Variants in KLHL5 observed in about 807,000 individuals in gnomAD.
KLHL5 encodes kelch-like protein 5.
KLHL5 carries 48 observed loss-of-function variants against 77.7 expected under a neutral mutation model. That is an observed-to-expected ratio of 0.62 (90% CI 0.49 to 0.79). The LOEUF (loss-of-function observed/expected upper bound fraction) is 0.79. Among genes scored for constraint, KLHL5 ranks in the 30% least tolerant of loss-of-function variants. The pLI, the probability that KLHL5 is intolerant of heterozygous loss-of-function variation, is 0.00. For synonymous variants in KLHL5, 260 were observed against 297.0 expected, an observed-to-expected ratio of 0.88 and a Z score of 1.28; for missense variants, 723 against 859.7, an observed-to-expected ratio of 0.84 and a Z score of 1.99.
chr4:39,074,431 C>T (rs1000451842), intron 1 of KLHL5, among the ~76,000 whole-genome samples: 3 of 152,128 alleles, frequency 2.0e-5, no homozygotes, highest in Non-Finnish European at 2.9e-5. Context: ...CAATCCTCTC[C>T]CTTCAACCCG....
chr4:39,073,233 C>G (rs1260744623), intron 1 of KLHL5, among the ~76,000 whole-genome samples: 2 of 152,170 alleles, frequency 1.3e-5, no homozygotes, highest in Non-Finnish European at 1.5e-5. Flanking sequence ...ACCAAAATAC[C>G]CTGAAAGTTC....
At chr4:39,086,428 C>T in intron 4 of KLHL5, 87 bp from the exon 5 acceptor site, 1 of 954,464 alleles carries the variant, frequency 1.0e-6, no homozygotes, top group Non-Finnish European at 1.7e-6. Context: ...GTGTTGGTAG[C>T]TAATATAAAA....
chr4:39,120,837 T>C lies in KLHL5; in HGVS notation c.2074-173T>C, dbSNP rs183471146. 2.8e-4 allele frequency among the ~76,000 whole-genome samples: 43 copies of C among 152,350 alleles called. No individual in the cohort carries two copies. The East Asian group carries it at 6.4e-3, about 23-fold the overall frequency. ...CAACTTAGTCTATGAAACTTTGCCATGGAAGGTGGCTCTTGGGAAGGGGAC... is the reference window on the plus strand; with the variant it reads ...CAACTTAGTCTATGAAACTTTGCCACGGAAGGTGGCTCTTGGGAAGGGGAC... On this transcript the variant is annotated intron_variant, in intron 10 of 10. Coordinates refer to ENST00000504108, the MANE Select transcript of KLHL5 (RefSeq NM_015990.5).
chr4:39,130,943 A>G (rs1425537315), downstream of KLHL5, among the ~76,000 whole-genome samples: 1 of 151,810 alleles, frequency 6.6e-6, no homozygotes, highest in African/African-American at 2.4e-5. Flanking sequence ...CATAGGCTCA[A>G]GCAATCCTCC....
intron 1 of KLHL5, among the ~76,000 whole-genome samples, chr4:39,064,207 T>A (rs543977522): frequency 1.3e-5 from 2 of 152,272 alleles, no homozygotes; most frequent in South Asian, 4.1e-4. Flanking sequence ...ACTCTAGTCA[T>A]CTGTCATCTT....
In KLHL5 at chr4:39,110,884, A is replaced by C. The variant is rs940718564; in HGVS notation, c.1689-2136A>C. ...GACATAATATTTCTCTTTTTATTGT[A>C]ATAGACACTATCGTGGTGAAGAGAG... On this transcript the variant is annotated intron_variant, in intron 8 of 10. Transcript: ENST00000504108. Among the ~76,000 whole-genome samples the C allele has an allele frequency of 6.6e-5, 10 of 152,334 alleles. No homozygotes were observed. The South Asian group carries it at 1.2e-3, about 19-fold the overall frequency.
At chr4:39,103,150 A>G (rs2109519418) in intron 6 of KLHL5, 137 bp from the exon 7 acceptor site, 1 of 740,134 alleles carries the variant, frequency 1.4e-6, no homozygotes, top group Non-Finnish European at 2.2e-6. Context: ...AGGCTAGATC[A>G]TGCAGGACCT....
chr4:39,125,416 A>G lies in KLHL5; in HGVS notation c.*4350A>G, dbSNP rs1445501661. 6.6e-6 allele frequency among the ~76,000 whole-genome samples: 1 copy of G among 152,214 alleles called. No homozygotes were observed. The highest frequency in any genetic ancestry group is 1.5e-5 in the Non-Finnish European group (1 of 68,030). The stretch of plus-strand genomic sequence containing the variant: ...AAATATTCATTGCAGCACTAGTCAC[A>G]GTAGCCAAAAAAGAGGAAACAACCC... On this transcript the variant is annotated 3_prime_UTR_variant, in exon 11 of 11. Transcript: ENST00000504108.
In KLHL5 at chr4:39,108,272, A is replaced by G. The variant is rs549140128; in HGVS notation, c.1688+541A>G. On this transcript the variant is annotated intron_variant, in intron 8 of 10. Coordinates refer to ENST00000504108, the MANE Select transcript of KLHL5 (RefSeq NM_015990.5). ...ACAAATATAGGTAGAGCCATCACTA[A>G]TAGCTCTCAGTTACTCAGAGAGTAA... Among the ~76,000 whole-genome samples the G allele has an allele frequency of 2.6e-5, 4 of 152,182 alleles. No homozygotes were observed. In the East Asian group the frequency reaches 7.7e-4, roughly 29 times the overall value.
chr4:39,093,463 G>T, intron 5 of KLHL5: 1 of 455,552 alleles, frequency 2.2e-6, no homozygotes, highest in Non-Finnish European at 4.4e-6. Flanking sequence ...ATTGAATTGT[G>T]TACTTTGAAT....
chr4:39,083,579 A>G (rs1719805703), intron 4 of KLHL5, among the ~76,000 whole-genome samples: 1 of 152,210 alleles, frequency 6.6e-6, no homozygotes, highest in Non-Finnish European at 1.5e-5. Context: ...AATTAAGTCC[A>G]TTGAAATGTT....
downstream of KLHL5, among the ~76,000 whole-genome samples, chr4:39,127,412 G>C (rs1723598201): frequency 6.6e-6 from 1 of 152,084 alleles, no homozygotes. Flanking sequence ...AAACAAAAAG[G>C]ACGTAGAGTA....
At chr4:39,052,602 G>A (rs900763990) in intron 1 of KLHL5, among the ~76,000 whole-genome samples, 1 of 152,180 alleles carries the variant, frequency 6.6e-6, no homozygotes, top group Non-Finnish European at 1.5e-5. Flanking sequence ...GAGTGATGTA[G>A]TCAAGAATTG....
downstream of KLHL5, among the ~76,000 whole-genome samples, chr4:39,129,174 A>G (rs1431569174): frequency 7.1e-6 from 1 of 141,752 alleles, no homozygotes; most frequent in East Asian, 2.0e-4. This position sits in a 1 kb window ranked among gnomAD's most constrained non-coding sequence, Gnocchi z 4.2. Flanking sequence ...TAAAAAAAAA[A>G]AACAATTACA....
At chr4:39,117,025 CG>C (rs1256914814) in intron 10 of KLHL5, among the ~76,000 whole-genome samples, 1 of 152,000 alleles carries the variant, frequency 6.6e-6, no homozygotes, top group East Asian at 1.9e-4. Context: ...TTAGTAGAGA[CG>C]GGGTTTTGTC....
chr4:39,128,083 T>C (rs993801991), downstream of KLHL5, among the ~76,000 whole-genome samples: 9 of 152,142 alleles, frequency 5.9e-5, no homozygotes, highest in Admixed American at 6.5e-5. Flanking sequence ...ACTAAGATCC[T>C]ATACAGTAAT....
the KLHL5 span, among the ~76,000 whole-genome samples, chr4:39,132,504 G>C: frequency 4.6e-5 from 7 of 152,216 alleles, no homozygotes; most frequent in African/African-American, 1.7e-4. Context: ...AGCTACTTAG[G>C]AGGCTGAGTT....
At chr4:39,093,869 A>G (rs1420044004) in intron 5 of KLHL5, among the ~76,000 whole-genome samples, 1 of 151,906 alleles carries the variant, frequency 6.6e-6, no homozygotes, top group African/African-American at 2.4e-5. Flanking sequence ...TTGCGCCACC[A>G]CACTCCAGCC....
At chr4:39,073,987 A>AT (rs1439285963) in intron 1 of KLHL5, among the ~76,000 whole-genome samples, 4 of 151,848 alleles carry the variant, frequency 2.6e-5, no homozygotes, top group East Asian at 1.9e-4. Flanking sequence ...AACCACCATT[A>AT]TTTTTTTGCT....
Sources: gnomAD v4.1 joint callset for allele counts (sites outside exome capture counted in the v4.1 genomes callset) on GRCh38, gnomAD v4.1.1 for gene constraint, Gnocchi (gnomAD v3.1) non-coding constraint, MANE v1.5 for transcripts, NCBI Gene and HGNC (gene_info 2026-07-23, HGNC 2026-07-21) for gene names.